The following TTC6 variants were observed in gnomAD, a reference collection of about 807,000 sequenced individuals.
The protein encoded by TTC6 is tetratricopeptide repeat domain 6, also known as tetratricopeptide repeat protein 6.
In TTC6, 172 loss-of-function variants were observed where a neutral mutation model predicts 210.4. The ratio of observed to expected loss-of-function variants is 0.82; its 90% CI spans 0.72 to 0.93. The LOEUF is 0.93. TTC6 is among the 40% of genes least tolerant of loss of function. The pLI is 0.00. For missense variants in TTC6, 2,414 were observed against 2,318.1 expected, an observed-to-expected ratio of 1.04 and a Z score of -0.85; for synonymous variants, 804 against 819.6, an observed-to-expected ratio of 0.98 and a Z score of 0.32.
At chr14:37,752,552 C>A in intron 13 of TTC6, among the ~76,000 whole-genome samples, 1 of 150,790 alleles carries the variant, frequency 6.6e-6, no homozygotes, top group South Asian at 2.1e-4. Flanking sequence ...TTGGTCATCT[C>A]CTTTGTGTTT....
intron 1 of TTC6, among the ~76,000 whole-genome samples, chr14:37,625,780 C>T (rs1033193491): frequency 2.6e-5 from 4 of 152,124 alleles, no homozygotes; most frequent in Non-Finnish European, 5.9e-5. Context: ...ATGATCTCAG[C>T]AGGCTGGACT....
intron 3 of TTC6, among the ~76,000 whole-genome samples, chr14:37,687,328 C>T (rs2095795902): frequency 1.3e-5 from 2 of 152,132 alleles, no homozygotes; most frequent in Admixed American, 1.3e-4. Flanking sequence ...GTGTTCGGAG[C>T]TTGATTTCTT....
At chr14:37,709,358 A>G (rs1394579215) in intron 5 of TTC6, among the ~76,000 whole-genome samples, 1 of 152,120 alleles carries the variant, frequency 6.6e-6, no homozygotes, top group Non-Finnish European at 1.5e-5. Context: ...GCAGAGATAG[A>G]ACTGGAATTA....
intron 14 of TTC6, among the ~76,000 whole-genome samples, chr14:37,781,140 G>T (rs2096053686): frequency 6.6e-6 from 1 of 152,066 alleles, no homozygotes; most frequent in African/African-American, 2.4e-5. Flanking sequence ...TTGTGTATAT[G>T]CCCAGTAATG....
In TTC6 at chr14:37,748,861, G is replaced by T. The variant is rs752648958; in HGVS notation, c.2364-78G>T. The T allele has an allele frequency of 4.4e-6, 5 of 1,136,822 alleles. No individual in the cohort carries two copies. In the African/African-American group the frequency reaches 7.9e-5, roughly 18 times the overall value. 70.4% of individuals were successfully genotyped at this position (1,136,822 alleles called of 1,614,324 possible). A position where few individuals can be genotyped will look rare whatever the true frequency, so the allele number is the denominator to read the frequency against. On this transcript the variant is annotated intron_variant, in intron 10 of 30. Transcript: ENST00000553443. ...TTTTGATAACAAATAGTAGTTTTAT[G>T]TGTGGCTGAGTTGATTTACTGATTA...
chr14:37,710,497 G>A (rs2095842902), intron 5 of TTC6, among the ~76,000 whole-genome samples: 1 of 152,172 alleles, frequency 6.6e-6, no homozygotes, highest in Non-Finnish European at 1.5e-5. Context: ...CACTCTGAGA[G>A]AGGTGGGCTT....
chr14:37,623,111 T>A (rs550951849), intron 1 of TTC6, 108 bp downstream of exon 3: 58 of 791,870 alleles, frequency 7.3e-5, no homozygotes, highest in Non-Finnish European at 1.1e-4. Flanking sequence ...TAAGGTGTCA[T>A]GTATTATAAC....
At chr14:37,760,129 C>T (rs1051201833) in intron 14 of TTC6, among the ~76,000 whole-genome samples, 19 of 152,150 alleles carry the variant, frequency 1.2e-4, no homozygotes, top group Middle Eastern at 3.2e-3. Context: ...TCCTCATGTT[C>T]GTGGATTTAT....
At chr14:37,769,509 C>T (rs1374686618) in intron 14 of TTC6, among the ~76,000 whole-genome samples, 1 of 151,978 alleles carries the variant, frequency 6.6e-6, no homozygotes, top group Non-Finnish European at 1.5e-5. Flanking sequence ...AGAGATTCAA[C>T]TTCTTCCTGG....
chr14:37,790,991 A>G (rs1445200471), intron 16 of TTC6, among the ~76,000 whole-genome samples, 154 bp downstream of exon 18: 1 of 152,190 alleles, frequency 6.6e-6, no homozygotes, highest in African/African-American at 2.4e-5. Context: ...ACTTCTAAAA[A>G]CAAGATTACT....
At chr14:37,728,010 T>C (rs932572708) in intron 7 of TTC6, among the ~76,000 whole-genome samples, 1 of 152,176 alleles carries the variant, frequency 6.6e-6, no homozygotes, top group African/African-American at 2.4e-5. Flanking sequence ...AGGAATCAGA[T>C]GGTCTTGAAT....
At position 37,787,889 on chromosome 14, in the gene TTC6, CTGTGTGTGTG is replaced by C. The variant is rs3062823; in HGVS notation, c.3436+278_3436+287del. ...ATATGCCCTTTATGTGTGTGTGTGTCTGTGTGTGTGTGTGTGTGTGTGTGTGTGTGTGTGT... is the reference window on the plus strand; with the variant it reads ...ATATGCCCTTTATGTGTGTGTGTGTCTGTGTGTGTGTGTGTGTGTGTGTGT... On this transcript the variant is annotated intron_variant, in intron 15 of 30. Transcript: ENST00000553443. Among the ~76,000 whole-genome samples, 232 of 147,314 alleles carry C rather than the reference CTGTGTGTGTG, an allele frequency of 1.6e-3. 3 individuals are homozygous for C. The East Asian group carries it at 0.02, about 12-fold the overall frequency.
chr14:37,753,865 G>T (rs2095959855), intron 14 of TTC6, among the ~76,000 whole-genome samples: 1 of 150,862 alleles, frequency 6.6e-6, no homozygotes, highest in Admixed American at 6.6e-5. Flanking sequence ...GCATTGTACA[G>T]TTTTCATTTG....
intron 14 of TTC6, among the ~76,000 whole-genome samples, chr14:37,765,420 A>G (rs538954030): frequency 6.6e-6 from 1 of 151,712 alleles, no homozygotes; most frequent in Non-Finnish European, 1.5e-5. Flanking sequence ...GCCTCAAGCA[A>G]TCCCCCAACT....
intron 10 of TTC6, among the ~76,000 whole-genome samples, chr14:37,744,739 T>C (rs541642018): frequency 3.6e-4 from 55 of 152,284 alleles, no homozygotes; most frequent in African/African-American, 1.2e-3. Flanking sequence ...GGATTCTTAA[T>C]AGAAAAGGAA....
At chr14:37,721,808 C>T (rs2095862183) in intron 6 of TTC6, among the ~76,000 whole-genome samples, 1 of 143,456 alleles carries the variant, frequency 7.0e-6, no homozygotes. Context: ...TTTTAAGGTG[C>T]TGCTGTCTTG....
exon 10 of TTC6, chr14:37,738,937 C>G (rs1255056123): frequency 1.3e-6 from 2 of 1,535,312 alleles, no homozygotes; most frequent in Non-Finnish European, 1.7e-6. Context: ...AGGAGCCCAA[C>G]TATGTGAAAG....
At position 37,658,548 on chromosome 14, in the gene TTC6, G is replaced by C. The variant is rs144415269; in HGVS notation, c.940-21603G>C. ...ATGTACACACATGGATGTAGTGTAT[G>C]GAATGACAGACAGTGGAGACTTGGC... is the stretch of plus-strand genomic sequence containing the variant. On this transcript the variant is annotated intron_variant, in intron 1 of 30. Transcript: ENST00000553443. Among the ~76,000 whole-genome samples, 404 of 152,248 alleles carry C rather than the reference G, an allele frequency of 2.7e-3. 4 individuals are homozygous for C. Among genetic ancestry groups the C allele is most frequent in the African/African-American group, 9.4e-3 (391 of 41,544 alleles).
intron 7 of TTC6, among the ~76,000 whole-genome samples, chr14:37,725,505 C>T (rs762835261): frequency 2.0e-5 from 3 of 151,038 alleles, no homozygotes; most frequent in Non-Finnish European, 4.4e-5. Context: ...CATGTGCCAC[C>T]ACACCTGGCT....
Sources: allele counts gnomAD v4.1 joint callset (sites outside exome capture counted in the v4.1 genomes callset), GRCh38; gene constraint gnomAD v4.1.1; transcripts MANE v1.5; gene names NCBI Gene and HGNC (gene_info 2026-07-23, HGNC 2026-07-21).